The following CGNL1 variants were observed in gnomAD, a reference collection of about 807,000 sequenced individuals.
CGNL1 encodes cingulin-like protein 1.
A neutral mutation model predicts 141.2 loss-of-function variants in CGNL1; 132 were observed. That is an observed-to-expected ratio of 0.93 (90% confidence interval 0.81 to 1.08). The LOEUF is 1.08. Among genes scored for constraint, CGNL1 ranks in the 50% least tolerant of loss-of-function variants. The pLI, the probability that CGNL1 is intolerant of heterozygous loss-of-function variation, is 0.00. For missense variants in CGNL1, 1,870 were observed against 1,588.6 expected, an observed-to-expected ratio of 1.18 and a Z score of -3.01; for synonymous variants, 690 against 622.1, an observed-to-expected ratio of 1.11 and a Z score of -1.63.
chr15:57,445,770 A>T (rs2063243137), intron 4 of CGNL1, among the ~76,000 whole-genome samples: 1 of 151,762 alleles, frequency 6.6e-6, no homozygotes, highest in Non-Finnish European at 1.5e-5. Context: ...TCCTACTTTT[A>T]TTTCTTCCCC....
chr15:57,456,456 T>G (rs1248464897), intron 7 of CGNL1, among the ~76,000 whole-genome samples: 1 of 151,928 alleles, frequency 6.6e-6, no homozygotes, highest in Admixed American at 6.6e-5. Context: ...GAGCAGCCAT[T>G]CTTTTGTTTC....
intron 8 of CGNL1, among the ~76,000 whole-genome samples, chr15:57,474,792 A>G (rs1343734619): frequency 6.6e-6 from 1 of 152,218 alleles, no homozygotes; most frequent in African/African-American, 2.4e-5. Flanking sequence ...TTCTGGGGAT[A>G]TGTAGGGGGA....
chr15:57,454,728 T>A (rs2063358534), intron 7 of CGNL1, among the ~76,000 whole-genome samples: 1 of 152,212 alleles, frequency 6.6e-6, no homozygotes, highest in Non-Finnish European at 1.5e-5. Context: ...GCATTGTTCC[T>A]TACCAACTGG....
Position 57,548,677 on chromosome 15 carries a change from C to T in CGNL1, c.*1187C>T, listed in dbSNP as rs2032986995. ...GGAGAGTTGTAGGTAAGGCCTTAAACAAATGAGGCCGTTTCTGGAAGGATA... is the reference window on the plus strand; with the variant it reads ...GGAGAGTTGTAGGTAAGGCCTTAAATAAATGAGGCCGTTTCTGGAAGGATA... On this transcript the variant is annotated 3_prime_UTR_variant, in exon 19 of 19. Coordinates refer to ENST00000281282, the MANE Select transcript of CGNL1 (RefSeq NM_032866.5). The T allele has an allele frequency of 2.0e-5, 3 of 152,230 alleles. No homozygotes were observed. The highest frequency in any genetic ancestry group is 2.9e-5 in the Non-Finnish European group (2 of 68,054). The allele number at this position is 152,230 out of a possible 1,614,324, so 9.4% of individuals were successfully genotyped here. A position where few individuals can be genotyped will look rare whatever the true frequency, so the allele number is the denominator to read the frequency against.
Position 57,451,500 on chromosome 15 carries a change from G to T in CGNL1, c.1804G>T (p.Ala602Ser), listed in dbSNP as rs769590112. The T allele has an allele frequency of 5.6e-6, 9 of 1,600,156 alleles. No individual in the cohort carries two copies. The South Asian group carries it at 6.7e-5, about 12-fold the overall frequency. Residue 602 changes from alanine (A) to serine (S), a missense_variant and splice_region_variant, in exon 5 of 19, where the codon GCT becomes TCT. Physicochemically the swap from Ala to Ser is moderately conservative, Grantham distance 99. Transcript: ENST00000281282. ...AAGSAQGNNQ[A>S]CNSTSEVKDL... ...AGTATATCTTTGCAATTAATTATAG[G>T]CTTGTAATTCCACATCTGAAGTCAA... is the stretch of plus-strand genomic sequence containing the variant.
At chr15:57,536,382 G>A (rs2032260729) in intron 14 of CGNL1, among the ~76,000 whole-genome samples, 1 of 152,184 alleles carries the variant, frequency 6.6e-6, no homozygotes, top group Non-Finnish European at 1.5e-5. Context: ...ATTATTCAGA[G>A]TGATGGATTC....
intron 1 of CGNL1, among the ~76,000 whole-genome samples, chr15:57,425,717 G>T (rs1458300847): frequency 6.8e-6 from 1 of 146,634 alleles, no homozygotes. Context: ...CTCTAGCCTG[G>T]GTGACAGAGC....
intron 1 of CGNL1, among the ~76,000 whole-genome samples, chr15:57,430,687 G>A (rs1472108250): frequency 4.6e-5 from 7 of 152,100 alleles, no homozygotes; most frequent in Non-Finnish European, 1.5e-5. Flanking sequence ...TCAGGGCCAG[G>A]CCATGTGGAT....
At chr15:57,404,913 T>G (rs1343903946) in intron 1 of CGNL1, among the ~76,000 whole-genome samples, 3 of 152,166 alleles carry the variant, frequency 2.0e-5, no homozygotes, top group African/African-American at 7.2e-5. Flanking sequence ...GCTACTTGCT[T>G]TCTGTGTAAT....
At chr15:57,439,670 G>A in intron 2 of CGNL1, 69 bp downstream of exon 2, 1 of 1,418,378 alleles carries the variant, frequency 7.1e-7, no homozygotes, top group Non-Finnish European at 9.7e-7. Flanking sequence ...ATGTACTTAT[G>A]CTGCAGGAGG....
intron 1 of CGNL1, among the ~76,000 whole-genome samples, chr15:57,431,162 A>G (rs2063040349): frequency 1.3e-5 from 2 of 152,138 alleles, no homozygotes; most frequent in African/African-American, 2.4e-5. Context: ...ACTCAATGTT[A>G]TAAGTTTATT....
At chr15:57,468,088 G>T (rs762190200) in intron 8 of CGNL1, among the ~76,000 whole-genome samples, 1 of 152,120 alleles carries the variant, frequency 6.6e-6, no homozygotes, top group Non-Finnish European at 1.5e-5. Context: ...AGTGGGGTAT[G>T]GATGAAACAA....
chr15:57,415,450 C>A (rs939694788), intron 1 of CGNL1, among the ~76,000 whole-genome samples: 2 of 152,146 alleles, frequency 1.3e-5, no homozygotes, highest in African/African-American at 4.8e-5. Context: ...GAGGAAGGGA[C>A]CAAGAGCTGA....
intron 8 of CGNL1, among the ~76,000 whole-genome samples, chr15:57,468,951 C>A (rs2063545757): frequency 6.6e-6 from 1 of 152,230 alleles, no homozygotes; most frequent in Non-Finnish European, 1.5e-5. Flanking sequence ...TCCTCGCCTT[C>A]CACCATGATT....
chr15:57,493,474 C>G (rs1478405466), intron 8 of CGNL1, among the ~76,000 whole-genome samples: 1 of 152,078 alleles, frequency 6.6e-6, no homozygotes, highest in African/African-American at 2.4e-5. Context: ...GCAGAGACAG[C>G]CCAAGTACAA....
At chr15:57,527,280 C>T (rs143713865) in intron 12 of CGNL1, 1 of 152,362 alleles carries the variant, frequency 6.6e-6, no homozygotes, top group East Asian at 1.9e-4. Flanking sequence ...CAGAGAAGAA[C>T]ACATTTCCTC....
chr15:57,500,502 C>G (rs567102986), intron 8 of CGNL1, among the ~76,000 whole-genome samples: 2 of 152,274 alleles, frequency 1.3e-5, no homozygotes, highest in South Asian at 2.1e-4. Flanking sequence ...GAGGCTAGAA[C>G]GAACGTCAGG....
chr15:57,468,853 C>T (rs1223284790), intron 8 of CGNL1, among the ~76,000 whole-genome samples: 5 of 152,158 alleles, frequency 3.3e-5, no homozygotes, highest in East Asian at 1.9e-4. Flanking sequence ...ATAAGTCCCA[C>T]GAAATCTGAT....
chr15:57,547,207 C>G, intron 18 of CGNL1, 148 bp from the exon 19 acceptor site: 2 of 858,498 alleles, frequency 2.3e-6, no homozygotes, highest in East Asian at 2.5e-5. Context: ...AAGGGGCCAT[C>G]AGGTGGAGAC....
Sources: gnomAD v4.1 joint callset for allele counts (sites outside exome capture counted in the v4.1 genomes callset) on GRCh38, gnomAD v4.1.1 for gene constraint, MANE v1.5 for transcripts, NCBI Gene and HGNC (gene_info 2026-07-23, HGNC 2026-07-21) for gene names.